MTNAP1: variants seen among roughly 807,000 people sequenced by gnomAD.
MTNAP1 encodes the protein mitochondrial nucleoid associated protein 1, also known as mitochondrial nucleoid-associated protein 1.
At chr17:73,236,521 C>G in the MTNAP1 span, 1 of 1,614,192 alleles carries the variant, frequency 6.2e-7, no homozygotes, top group Non-Finnish European at 8.5e-7. Flanking sequence ...AAAGGAGTCT[C>G]AAGGGGAAAG....
At chr17:73,247,560 C>A in the MTNAP1 span, 1 of 498,832 alleles carries the variant, frequency 2.0e-6, no homozygotes, top group Non-Finnish European at 3.6e-6. Context: ...AAAGGTTTAA[C>A]TTAGTCACAG....
the MTNAP1 span, among the ~76,000 whole-genome samples, chr17:73,241,027 T>G: frequency 1.3e-5 from 2 of 152,258 alleles, no homozygotes; most frequent in African/African-American, 4.8e-5. Flanking sequence ...CTAAACCTGT[T>G]GTCGGTGTTT....
chr17:73,235,644 G>C, the MTNAP1 span: 1 of 1,614,172 alleles, frequency 6.2e-7, no homozygotes, highest in Non-Finnish European at 8.5e-7. Flanking sequence ...GTGCTAAAAA[G>C]ATGAAAGGAC....
At chr17:73,236,064 T>C in the MTNAP1 span, 3 of 1,614,048 alleles carry the variant, frequency 1.9e-6, no homozygotes, top group African/African-American at 4.0e-5. Flanking sequence ...CAACTCTACC[T>C]AATGATGTAC....
At chr17:73,248,499 T>A in the MTNAP1 span, 2 of 1,551,682 alleles carry the variant, frequency 1.3e-6, no homozygotes, top group Non-Finnish European at 1.7e-6. Context: ...AACGCTTAGA[T>A]CTTGCTTCCA....
At chr17:73,236,267 C>T in the MTNAP1 span, 9 of 1,614,136 alleles carry the variant, frequency 5.6e-6, no homozygotes, top group Non-Finnish European at 7.6e-6. Context: ...TCAGGAGTCC[C>T]TACTGATGTT....
At chr17:73,239,884 A>G in the MTNAP1 span, among the ~76,000 whole-genome samples, 1 of 152,168 alleles carries the variant, frequency 6.6e-6, no homozygotes, top group African/African-American at 2.4e-5. Context: ...CAGGATTCAA[A>G]CCCAGGTTCG....
At chr17:73,236,543 G>C in the MTNAP1 span, 1 of 1,614,182 alleles carries the variant, frequency 6.2e-7, no homozygotes, top group Non-Finnish European at 8.5e-7. Flanking sequence ...CCACATTTAA[G>C]TTTGTTCATT....
the MTNAP1 span, chr17:73,232,860 G>A: frequency 2.6e-5 from 4 of 152,598 alleles, no homozygotes; most frequent in African/African-American, 7.2e-5. Context: ...TGGAACCGCA[G>A]GAGGAAATCC....
chr17:73,243,547 TC>T, the MTNAP1 span, among the ~76,000 whole-genome samples: 3 of 143,152 alleles, frequency 2.1e-5, no homozygotes, highest in African/African-American at 7.7e-5. Flanking sequence ...TTTCATGTTG[TC>T]TTTTTTTTTT....
chr17:73,242,470 G>A, the MTNAP1 span: 1 of 638,518 alleles, frequency 1.6e-6, no homozygotes, highest in Middle Eastern at 2.6e-4. Flanking sequence ...AATGTGTGTT[G>A]TCTTCCTAGT....
At chr17:73,240,933 C>T in the MTNAP1 span, among the ~76,000 whole-genome samples, 1 of 152,054 alleles carries the variant, frequency 6.6e-6, no homozygotes, top group Non-Finnish European at 1.5e-5. Flanking sequence ...TGTGCAATTT[C>T]TTGGAAGCCA....
At chr17:73,241,153 T>C in the MTNAP1 span, among the ~76,000 whole-genome samples, 2 of 152,120 alleles carry the variant, frequency 1.3e-5, no homozygotes, top group African/African-American at 4.8e-5. Context: ...TTAAGGAGCA[T>C]AAGCCCTCTT....
At chr17:73,247,144 C>T in the MTNAP1 span, 1 of 1,039,716 alleles carries the variant, frequency 9.6e-7, no homozygotes, top group Non-Finnish European at 1.5e-6. Flanking sequence ...TAGGTGGCAT[C>T]CATGGCTGTT....
the MTNAP1 span, among the ~76,000 whole-genome samples, chr17:73,239,505 CTG>C: frequency 7.0e-6 from 1 of 143,222 alleles, no homozygotes; most frequent in African/African-American, 2.6e-5. Context: ...CTTGAGGAAT[CTG>C]AGCTTCAGAC....
chr17:73,241,942 A>G, the MTNAP1 span, among the ~76,000 whole-genome samples: 1 of 152,136 alleles, frequency 6.6e-6, no homozygotes, highest in Admixed American at 6.6e-5. Context: ...CAAAAAGATG[A>G]TGTAAGAGAC....
chr17:73,244,116 C>G, the MTNAP1 span, among the ~76,000 whole-genome samples: 3 of 152,104 alleles, frequency 2.0e-5, no homozygotes, highest in Admixed American at 2.0e-4. Flanking sequence ...AAGGAAAATA[C>G]CTTAATTTCA....
chr17:73,241,649 G>C, the MTNAP1 span, among the ~76,000 whole-genome samples: 1 of 152,288 alleles, frequency 6.6e-6, no homozygotes, highest in Non-Finnish European at 1.5e-5. Flanking sequence ...TGTAAAAGAG[G>C]CCAGGCGCAG....
At chr17:73,236,884 C>T in the MTNAP1 span, 1 of 1,614,088 alleles carries the variant, frequency 6.2e-7, no homozygotes, top group East Asian at 2.2e-5. Flanking sequence ...GTTTCCAGAG[C>T]TCTATCCTGG....
Sources: gnomAD v4.1 joint callset for allele counts (sites outside exome capture counted in the v4.1 genomes callset) on GRCh38, gnomAD v4.1.1 for gene constraint, MANE v1.5 for transcripts, NCBI Gene and HGNC (gene_info 2026-07-23, HGNC 2026-07-21) for gene names.